Variants in ULK4 observed in about 807,000 individuals in gnomAD.
ULK4 encodes the protein unc-51 like kinase 4.
In ULK4, 133 loss-of-function variants were observed where a neutral mutation model predicts 160.6. The observed-to-expected ratio is 0.83, with a 90% CI of 0.72 to 0.96. The LOEUF is 0.96. Among genes scored for constraint, ULK4 ranks in the 40% least tolerant of loss-of-function variants. ULK4 has a pLI of 0.00. For missense variants in ULK4, 1,580 were observed against 1,499.5 expected (o/e 1.05, Z -0.89); for synonymous variants, 534 against 539.8 (o/e 0.99, Z 0.15).
rs569340268 is a variant in ULK4 at position 41,492,704 on chromosome 3, A to G, written c.3227-29451T>C. Among the ~76,000 whole-genome samples, 1,368 of 152,128 alleles carry G rather than the reference A, an allele frequency of 9.0e-3. 7 individuals are homozygous for G. Among genetic ancestry groups the G allele is most frequent in the Non-Finnish European group, 0.014 (958 of 68,020 alleles). On this transcript the variant is annotated intron_variant, in intron 32 of 36. Coordinates refer to ENST00000301831, the MANE Select transcript of ULK4 (RefSeq NM_017886.4). ...ACCCATCTCATGTGCAGAGACACAC[A>G]TAGGCTCAAAATAAAAGGATGGAGG...
At chr3:41,612,524 C>T (rs1217093323) in intron 31 of ULK4, among the ~76,000 whole-genome samples, 4 of 152,246 alleles carry the variant, frequency 2.6e-5, no homozygotes, top group African/African-American at 4.8e-5. Flanking sequence ...GGAAGTAGCA[C>T]TGTGCCTCCT....
chr3:41,838,156 A>C (rs1384786579), intron 17 of ULK4, among the ~76,000 whole-genome samples: 11 of 152,212 alleles, frequency 7.2e-5, no homozygotes, highest in Admixed American at 6.5e-4. Context: ...CTAAAAGAGA[A>C]AGAAAATGAC....
At chr3:41,521,516 C>G (rs914237646) in intron 32 of ULK4, among the ~76,000 whole-genome samples, 2 of 151,820 alleles carry the variant, frequency 1.3e-5, no homozygotes, top group Admixed American at 6.6e-5. Flanking sequence ...GTAACAATGA[C>G]TCTAAGATCC....
At chr3:41,927,722 A>C (rs1699435604) in intron 5 of ULK4, among the ~76,000 whole-genome samples, 1 of 152,104 alleles carries the variant, frequency 6.6e-6, no homozygotes. Flanking sequence ...CTCTGATAAA[A>C]CAGGCTTTAA....
chr3:41,478,811 G>C (rs1489781992), intron 32 of ULK4, among the ~76,000 whole-genome samples: 1 of 152,232 alleles, frequency 6.6e-6, no homozygotes, highest in East Asian at 1.9e-4. Context: ...GAAAGTAGGA[G>C]TGGCTGGTAA....
intron 35 of ULK4, among the ~76,000 whole-genome samples, chr3:41,362,256 T>C (rs979776553): frequency 6.6e-6 from 1 of 152,166 alleles, no homozygotes; most frequent in African/African-American, 2.4e-5. Context: ...ATTCAGAAAG[T>C]TACTAGGTAT....
In ULK4 at chr3:41,509,694, T is replaced by C. The variant is rs1365931693; in HGVS notation, c.3227-46441A>G. ...TTTAGCCTCCTTTAACAAAATAATTTTCAGCCAAGAATTTTGTATCTGGCG... is the reference window on the plus strand; with the variant it reads ...TTTAGCCTCCTTTAACAAAATAATTCTCAGCCAAGAATTTTGTATCTGGCG... On this transcript the variant is annotated intron_variant, in intron 32 of 36. Transcript: ENST00000301831. 2.0e-5 allele frequency among the ~76,000 whole-genome samples: 3 copies of C among 152,196 alleles called. No individual in the cohort carries two copies. In the East Asian group the frequency reaches 5.8e-4, roughly 29 times the overall value.
In ULK4 at chr3:41,345,078, C is replaced by T. The variant is rs115952499; in HGVS notation, c.3678+53001G>A. On this transcript the variant is annotated intron_variant, in intron 35 of 36. Transcript: ENST00000301831. ...AATGCAAATCAAAACCACGAGATAC[C>T]GTCTCATGCCAGTCAGCATGGCTAT... Among the ~76,000 whole-genome samples the T allele has an allele frequency of 8.5e-3, 1,299 of 152,150 alleles. 9 individuals are homozygous for T. Among genetic ancestry groups the T allele is most frequent in the African/African-American group, 0.023 (938 of 41,516 alleles).
intron 32 of ULK4, among the ~76,000 whole-genome samples, chr3:41,538,013 G>T (rs1190983456): frequency 6.6e-6 from 1 of 151,402 alleles, no homozygotes; most frequent in Non-Finnish European, 1.5e-5. Flanking sequence ...TTTCTTAATG[G>T]TGCCTGGGAA....
At chr3:41,738,440 C>G (rs2038128853) in intron 22 of ULK4, among the ~76,000 whole-genome samples, 1 of 151,942 alleles carries the variant, frequency 6.6e-6, no homozygotes, top group African/African-American at 2.4e-5. Context: ...CATGCTAACT[C>G]TGCTACCATT....
At chr3:41,587,194 A>G (rs1284104003) in intron 31 of ULK4, among the ~76,000 whole-genome samples, 1 of 152,186 alleles carries the variant, frequency 6.6e-6, no homozygotes, top group African/African-American at 2.4e-5. Context: ...ATCAACTCCT[A>G]AAAGCCACTC....
chr3:41,540,603 G>T (rs2086663800), intron 32 of ULK4, among the ~76,000 whole-genome samples: 1 of 152,134 alleles, frequency 6.6e-6, no homozygotes, highest in Non-Finnish European at 1.5e-5. Context: ...GATCCTTAAG[G>T]AATCACCACA....
intron 34 of ULK4, among the ~76,000 whole-genome samples, chr3:41,442,618 G>GAC: frequency 6.6e-6 from 1 of 152,044 alleles, no homozygotes; most frequent in East Asian, 1.9e-4. Flanking sequence ...TATTATTAGA[G>GAC]ACAGAGTCTC....
intron 35 of ULK4, among the ~76,000 whole-genome samples, chr3:41,326,910 C>T (rs1011664417): frequency 6.6e-6 from 1 of 152,138 alleles, no homozygotes; most frequent in Admixed American, 6.5e-5. Flanking sequence ...AGAACAGGAC[C>T]TTTAAGGACA....
chr3:41,705,249 C>T lies in ULK4; in HGVS notation c.2686+5G>A. The T allele has an allele frequency of 6.2e-7, 1 of 1,613,440 alleles. No homozygotes were observed. Among genetic ancestry groups the T allele is most frequent in the African/African-American group, 1.3e-5 (1 of 74,968 alleles). On this transcript the variant is annotated splice_donor_5th_base_variant and intron_variant, in intron 26 of 36. Transcript: ENST00000301831. ...AAGACACAAAATGTTCCAGGGTCTA[C>T]TCACCTATGGCTCCATCTATGTTCG...
intron 22 of ULK4, among the ~76,000 whole-genome samples, chr3:41,732,693 A>C (rs1218142389): frequency 2.0e-5 from 3 of 152,210 alleles, no homozygotes; most frequent in Non-Finnish European, 2.9e-5. Context: ...CACTGTTCAC[A>C]ATAAGCAAAG....
intron 22 of ULK4, among the ~76,000 whole-genome samples, chr3:41,748,371 G>A (rs958534155): frequency 9.9e-5 from 15 of 151,414 alleles, no homozygotes; most frequent in Non-Finnish European, 2.9e-5. Flanking sequence ...ACACTGACAA[G>A]AAGAACACCA....
rs1176660817 is a variant in ULK4, at chr3:41,894,286, T to G, written c.1577+1232A>C. On this transcript the variant is annotated intron_variant, in intron 16 of 36. Coordinates refer to ENST00000301831, the MANE Select transcript of ULK4 (RefSeq NM_017886.4). Reference sequence around the variant, plus strand: ...GAGCATACCATGAGCCTTCTCAAAGTATTAAATACTCAACCATTACCTAAA... The same window carrying G: ...GAGCATACCATGAGCCTTCTCAAAGGATTAAATACTCAACCATTACCTAAA... Among the ~76,000 whole-genome samples the G allele has an allele frequency of 2.0e-5, 3 of 152,348 alleles. No individual in the cohort carries two copies. In the East Asian group the frequency reaches 5.8e-4, roughly 29 times the overall value.
At position 41,705,243 on chromosome 3, in the gene ULK4, G is replaced by C. The variant is rs760614830; in HGVS notation, c.2686+11C>G. On this transcript the variant is annotated intron_variant, in intron 26 of 36. Coordinates refer to ENST00000301831, the MANE Select transcript of ULK4 (RefSeq NM_017886.4). The stretch of plus-strand genomic sequence containing the variant: ...CAAACAAAGACACAAAATGTTCCAG[G>C]GTCTACTCACCTATGGCTCCATCTA... 1 of 1,612,716 alleles carries C rather than the reference G, an allele frequency of 6.2e-7. No individual in the cohort carries two copies. Among genetic ancestry groups the C allele is most frequent in the Admixed American group, 1.7e-5 (1 of 59,918 alleles).
Sources: gnomAD v4.1 joint callset for allele counts (sites outside exome capture counted in the v4.1 genomes callset) on GRCh38, gnomAD v4.1.1 for gene constraint, MANE v1.5 for transcripts, NCBI Gene and HGNC (gene_info 2026-07-23, HGNC 2026-07-21) for gene names.